The following MTAP variants were observed in gnomAD, a reference collection of about 807,000 sequenced individuals.
MTAP encodes S-methyl-5'-thioadenosine phosphorylase.
In MTAP, 33 loss-of-function variants were observed where a neutral mutation model predicts 33.6. The observed-to-expected ratio is 0.98, with a 90% CI of 0.74 to 1.31. MTAP has a LOEUF of 1.31. Ranked by LOEUF, MTAP falls within the 40% of genes most tolerant of loss-of-function variation. MTAP has a pLI of 0.00. For missense variants in MTAP, 367 were observed against 360.0 expected, an observed-to-expected ratio of 1.02 and a Z score of -0.16; for synonymous variants, 148 against 125.7, an observed-to-expected ratio of 1.18 and a Z score of -1.19.
intron 1 of MTAP, among the ~76,000 whole-genome samples, chr9:21,806,029 G>A (rs1170372019): frequency 6.6e-6 from 1 of 152,182 alleles, no homozygotes; most frequent in Non-Finnish European, 1.5e-5. Context: ...CAGCTCATAA[G>A]GCCATCCTTG....
At chr9:21,855,489 T>A (rs1344255429) in intron 6 of MTAP, among the ~76,000 whole-genome samples, 5 of 152,254 alleles carry the variant, frequency 3.3e-5, no homozygotes, top group Non-Finnish European at 5.9e-5. Flanking sequence ...CTTCCTGTTT[T>A]AAGTGTGATG....
At chr9:21,818,571 G>A (rs916239863) in intron 4 of MTAP, among the ~76,000 whole-genome samples, 7 of 152,018 alleles carry the variant, frequency 4.6e-5, no homozygotes, top group Admixed American at 3.9e-4. Context: ...ACCCGCCTCC[G>A]CCTCCCAAAG....
intron 1 of MTAP, chr9:21,811,790 A>G: frequency 1.9e-6 from 1 of 526,028 alleles, no homozygotes; most frequent in South Asian, 1.4e-5. Flanking sequence ...GCACCGAAGT[A>G]TACCTGTGAA....
chr9:21,812,285 G>T, intron 1 of MTAP: 1 of 222,382 alleles, frequency 4.5e-6, no homozygotes, highest in East Asian at 1.1e-4. Flanking sequence ...TCAAGTCACT[G>T]TAGGTAGGTG....
intron 1 of MTAP, among the ~76,000 whole-genome samples, chr9:21,895,460 A>G (rs897652451): frequency 7.2e-5 from 11 of 152,200 alleles, no homozygotes; most frequent in Admixed American, 5.9e-4. Context: ...TACCGGGTTC[A>G]TCTCACTGGG....
rs1482588925 is a variant in MTAP at position 21,802,670 on chromosome 9, C to T, written c.-79C>T. On this transcript the variant is annotated 5_prime_UTR_variant, in exon 1 of 8. Coordinates refer to ENST00000644715, the MANE Select transcript of MTAP (RefSeq NM_002451.4). ...GCTCACTCCCGCGCAGTGAGGTTGG[C>T]ACAGCCACCGCTCTGTGGCTCGCTT... 1.4e-5 allele frequency: 22 copies of T among 1,555,660 alleles called. No homozygotes were observed. The highest frequency in any genetic ancestry group is 9.1e-5 in the South Asian group (8 of 87,928).
In MTAP at chr9:21,909,772, G is replaced by A. The variant is rs186934735; in HGVS notation, c.148-21236G>A. On this transcript the variant is annotated intron_variant, in intron 1 of 1. Coordinates refer to the MTAP transcript ENST00000577563. The stretch of plus-strand genomic sequence containing the variant: ...ATAGTATGGCATTCATTTAACAGGT[G>A]TTAACTATTTTTATTCTCACAATAC... Among the ~76,000 whole-genome samples the A allele has an allele frequency of 2.6e-5, 4 of 152,216 alleles. 1 individual carries two copies. The East Asian group carries it at 7.7e-4, about 29-fold the overall frequency.
chr9:21,903,026 A>G (rs1818416901), intron 1 of MTAP, among the ~76,000 whole-genome samples: 1 of 152,262 alleles, frequency 6.6e-6, no homozygotes, highest in South Asian at 2.1e-4. Context: ...GATGAATTCA[A>G]CTAAATGTGC....
chr9:21,906,884 C>A (rs960470814), intron 1 of MTAP, among the ~76,000 whole-genome samples: 3 of 151,722 alleles, frequency 2.0e-5, no homozygotes, highest in African/African-American at 7.3e-5. Context: ...TGCTTTTTGC[C>A]AAGAAAAAAG....
intron 1 of MTAP, among the ~76,000 whole-genome samples, chr9:21,806,377 G>A (rs1433678764): frequency 1.3e-5 from 2 of 152,084 alleles, no homozygotes; most frequent in East Asian, 3.9e-4. Context: ...GATACTGGTG[G>A]ATCATTTCAA....
At chr9:21,886,078 A>G (rs58381585) in intron 1 of MTAP, among the ~76,000 whole-genome samples, 79 of 151,672 alleles carry the variant, frequency 5.2e-4, no homozygotes, top group African/African-American at 1.8e-3. Flanking sequence ...CATGCCCACC[A>G]GCAATGTAAA....
intron 1 of MTAP, among the ~76,000 whole-genome samples, chr9:21,896,278 G>C (rs765717725): frequency 2.0e-5 from 3 of 152,100 alleles, no homozygotes; most frequent in Non-Finnish European, 2.9e-5. Context: ...GCCCACAAGA[G>C]AAAGCAGGAA....
At chr9:21,821,795 A>G (rs1209995781) in intron 4 of MTAP, among the ~76,000 whole-genome samples, 1 of 152,148 alleles carries the variant, frequency 6.6e-6, no homozygotes, top group Non-Finnish European at 1.5e-5. Context: ...TATTGCCTCA[A>G]CTTCAGAGCC....
At chr9:21,929,567 C>A in intron 1 of MTAP, 1 of 365,228 alleles carries the variant, frequency 2.7e-6, no homozygotes. Flanking sequence ...ACAGGATCCC[C>A]TTACTCCACC....
At chr9:21,870,030 C>A (rs1825913204), downstream of MTAP, among the ~76,000 whole-genome samples, 1 of 152,168 alleles carries the variant, frequency 6.6e-6, no homozygotes, top group South Asian at 2.1e-4. Flanking sequence ...CCCCCTCCTG[C>A]CTTTAACATT....
intron 4 of MTAP, 36 bp downstream of exon 4, chr9:21,818,238 G>A: frequency 6.4e-7 from 1 of 1,563,842 alleles, no homozygotes; most frequent in Non-Finnish European, 8.7e-7. Flanking sequence ...GGCTATTGTA[G>A]CTGGTCATTT....
intron 4 of MTAP, among the ~76,000 whole-genome samples, chr9:21,831,157 A>G (rs1198297334): frequency 6.6e-6 from 1 of 152,026 alleles, no homozygotes; most frequent in Admixed American, 6.6e-5. Flanking sequence ...ACCCCCAACT[A>G]CTAACTGTCC....
Position 21,862,757 on chromosome 9 carries a change from T to G in MTAP, c.*743T>G, listed in dbSNP as rs1825779474. 5.5e-6 allele frequency: 1 copy of G among 182,774 alleles called. No individual in the cohort carries two copies. The highest frequency in any genetic ancestry group is 1.0e-5 in the Non-Finnish European group (1 of 96,584). 11.3% of individuals were successfully genotyped at this position (182,774 alleles called of 1,614,324 possible). On this transcript the variant is annotated 3_prime_UTR_variant, in exon 8 of 8. Coordinates refer to ENST00000644715, the MANE Select transcript of MTAP (RefSeq NM_002451.4). ...TGGTAGCATTTTATAGTACTAGTTT[T>G]GCTTTAAAATGCTATGTAAATATAC...
At chr9:21,840,071 G>A (rs977345428) in intron 5 of MTAP, among the ~76,000 whole-genome samples, 7 of 151,992 alleles carry the variant, frequency 4.6e-5, no homozygotes, top group African/African-American at 9.6e-5. Context: ...CTAAAAATAC[G>A]AAAAGTTAGC....
Sources: allele counts gnomAD v4.1 joint callset (sites outside exome capture counted in the v4.1 genomes callset), GRCh38; gene constraint gnomAD v4.1.1; transcripts MANE v1.5; gene names NCBI Gene and HGNC (gene_info 2026-07-23, HGNC 2026-07-21).